Variants in NFIB observed in about 807,000 individuals in gnomAD.
NFIB encodes the protein nuclear factor 1 B-type.
A neutral mutation model predicts 61.5 loss-of-function variants in NFIB; 11 were observed. The observed-to-expected ratio is 0.18, with a 90% CI of 0.11 to 0.30. The LOEUF (loss-of-function observed/expected upper bound fraction) is 0.30. Among genes scored for constraint, NFIB ranks in the 10% least tolerant of loss-of-function variants. NFIB has a pLI of 1.00. For synonymous variants in NFIB, 260 were observed against 216.5 expected (o/e 1.20, Z -1.76); for missense variants, 471 against 608.9 (o/e 0.77, Z 2.38).
intron 1 of NFIB, among the ~76,000 whole-genome samples, chr9:14,395,726 CTTTTTT>C (rs35417792): frequency 2.7e-4 from 18 of 65,758 alleles, no homozygotes; most frequent in East Asian, 1.3e-3. Flanking sequence ...ATTCTTTTGA[CTTTTTT>C]TTTTTTTTTT....
chr9:14,250,949 G>A (rs991356152), intron 2 of NFIB, among the ~76,000 whole-genome samples: 4 of 152,122 alleles, frequency 2.6e-5, no homozygotes, highest in Admixed American at 6.5e-5. Flanking sequence ...AAATCCATGG[G>A]TATGTGTCAT....
intron 3 of NFIB, among the ~76,000 whole-genome samples, chr9:14,156,957 G>C (rs1373655880): frequency 7.9e-5 from 12 of 152,162 alleles, no homozygotes; most frequent in Non-Finnish European, 1.8e-4. Flanking sequence ...TGTGAAGCAT[G>C]GGTAGTGCAG....
chr9:14,257,493 C>T (rs1292931997), intron 2 of NFIB, among the ~76,000 whole-genome samples: 1 of 152,182 alleles, frequency 6.6e-6, no homozygotes, highest in Non-Finnish European at 1.5e-5. Flanking sequence ...CAGTGGCTCA[C>T]ACCTGTAATG....
At chr9:14,407,466 G>A in the NFIB span, among the ~76,000 whole-genome samples, 2 of 152,166 alleles carry the variant, frequency 1.3e-5, no homozygotes, top group Non-Finnish European at 2.9e-5. Flanking sequence ...GCATAGGTCT[G>A]AGGAGGGTCC....
intron 2 of NFIB, among the ~76,000 whole-genome samples, chr9:14,182,379 G>C (rs1456714041): frequency 6.6e-6 from 1 of 152,060 alleles, no homozygotes; most frequent in East Asian, 1.9e-4. Context: ...ACATAGGAGA[G>C]GGCCCTCTCA....
chr9:14,347,923 C>T (rs573718557), intron 1 of NFIB, among the ~76,000 whole-genome samples: 1 of 152,286 alleles, frequency 6.6e-6, no homozygotes, highest in Admixed American at 6.5e-5. Flanking sequence ...GAGCGACGCG[C>T]GTAGTTTCGC....
the NFIB span, among the ~76,000 whole-genome samples, chr9:14,459,647 C>A: frequency 2.6e-5 from 4 of 152,048 alleles, no homozygotes; most frequent in Non-Finnish European, 5.9e-5. Flanking sequence ...CCAGAATCTA[C>A]AATGAACTCA....
At chr9:14,181,518 C>T (rs920972966) in intron 2 of NFIB, among the ~76,000 whole-genome samples, 4 of 152,154 alleles carry the variant, frequency 2.6e-5, no homozygotes, top group South Asian at 2.1e-4. Flanking sequence ...CAATCTTCTT[C>T]GTTCTACATT....
chr9:14,496,412 A>C, the NFIB span, among the ~76,000 whole-genome samples: 1 of 152,166 alleles, frequency 6.6e-6, no homozygotes, highest in Non-Finnish European at 1.5e-5. Flanking sequence ...TTGTGGCACC[A>C]TGTTGGTGCT....
chr9:14,427,937 G>GTGTTTTT, the NFIB span, among the ~76,000 whole-genome samples: 1 of 43,384 alleles, frequency 2.3e-5, no homozygotes, highest in African/African-American at 7.8e-5. Context: ...TAATTCAGTT[G>GTGTTTTT]TTTTTTTTTT....
intron 1 of NFIB, among the ~76,000 whole-genome samples, chr9:14,343,381 T>C (rs1300983191): frequency 1.3e-5 from 2 of 152,058 alleles, no homozygotes; most frequent in African/African-American, 4.8e-5. Flanking sequence ...GCAGCTGCCC[T>C]CCCTATTGGA....
chr9:14,335,092 A>G (rs1461746071), intron 1 of NFIB, among the ~76,000 whole-genome samples: 2 of 152,220 alleles, frequency 1.3e-5, no homozygotes, highest in Admixed American at 1.3e-4. Context: ...ATGGACAATT[A>G]GGTTTTTTCC....
At chr9:14,154,196 C>G (rs1380209698) in intron 4 of NFIB, among the ~76,000 whole-genome samples, 3 of 152,132 alleles carry the variant, frequency 2.0e-5, no homozygotes, top group Admixed American at 6.6e-5. Context: ...CCTTTGACAG[C>G]CCTTAGCATA....
chr9:14,124,808 C>A (rs2039418652), intron 7 of NFIB, among the ~76,000 whole-genome samples: 1 of 152,262 alleles, frequency 6.6e-6, no homozygotes, highest in African/African-American at 2.4e-5. Context: ...AGACATCAGA[C>A]ACAATATCAA....
At chr9:14,522,662 C>T in the NFIB span, among the ~76,000 whole-genome samples, 1 of 152,200 alleles carries the variant, frequency 6.6e-6, no homozygotes, top group Non-Finnish European at 1.5e-5. Context: ...TTATCCCCTG[C>T]AGTGCATGCT....
the NFIB span, among the ~76,000 whole-genome samples, chr9:14,417,918 T>G: frequency 6.6e-6 from 1 of 151,686 alleles, no homozygotes; most frequent in African/African-American, 2.4e-5. Flanking sequence ...GTAGCTGGGA[T>G]TACAGGTGCC....
the NFIB span, among the ~76,000 whole-genome samples, chr9:14,412,847 A>G: frequency 6.6e-6 from 1 of 152,302 alleles, no homozygotes; most frequent in East Asian, 1.9e-4. Context: ...GAGCTTTAAA[A>G]AATGTTTGTT....
chr9:14,274,148 T>C (rs1000518324), intron 2 of NFIB, among the ~76,000 whole-genome samples: 3 of 151,978 alleles, frequency 2.0e-5, no homozygotes, highest in Admixed American at 6.6e-5. Flanking sequence ...ATGCAAATTA[T>C]TTTTCAGAAA....
intron 2 of NFIB, among the ~76,000 whole-genome samples, chr9:14,216,546 C>CTCTCTGTG (rs2050942500): frequency 4.6e-5 from 1 of 21,514 alleles, no homozygotes; most frequent in Non-Finnish European, 1.3e-4. Flanking sequence ...CTCTCTCCCT[C>CTCTCTGTG]TGTGTGTGTG....
Sources: allele counts gnomAD v4.1 joint callset (sites outside exome capture counted in the v4.1 genomes callset), GRCh38; gene constraint gnomAD v4.1.1; transcripts MANE v1.5; gene names NCBI Gene and HGNC (gene_info 2026-07-23, HGNC 2026-07-21).